Variants in C6orf163 observed in about 807,000 individuals in gnomAD.
C6orf163 encodes the protein uncharacterized protein C6orf163.
In C6orf163, 22 loss-of-function variants were observed where a neutral mutation model predicts 28.4. The ratio of observed to expected loss-of-function variants is 0.78; its 90% CI spans 0.55 to 1.11. C6orf163 has a LOEUF of 1.11. C6orf163 is among the 50% of genes least tolerant of loss of function. C6orf163 has a pLI of 0.00. For synonymous variants in C6orf163, 110 were observed against 123.6 expected (o/e 0.89, Z 0.73); for missense variants, 342 against 389.1 (o/e 0.88, Z 1.02).
chr6:87,351,495 G>T (rs1472609581), intron 3 of C6orf163, among the ~76,000 whole-genome samples: 1 of 152,244 alleles, frequency 6.6e-6, no homozygotes, highest in Non-Finnish European at 1.5e-5. Flanking sequence ...AGTCCTGAAG[G>T]CTAGTGGGAT....
At chr6:87,346,090 G>A (rs1056705607) in intron 1 of C6orf163, among the ~76,000 whole-genome samples, 1 of 151,978 alleles carries the variant, frequency 6.6e-6, no homozygotes, top group African/African-American at 2.4e-5. Flanking sequence ...TGTACTATAG[G>A]TTTCCATCTC....
At chr6:87,350,908 A>G (rs1253465398) in intron 3 of C6orf163, among the ~76,000 whole-genome samples, 1 of 152,248 alleles carries the variant, frequency 6.6e-6, no homozygotes, top group Non-Finnish European at 1.5e-5. Flanking sequence ...CCTGGTGCCC[A>G]GCACAATTCC....
Position 87,345,085 on chromosome 6 carries a change from A to G in C6orf163, c.-15A>G. ...ATTTTAACTGTAAGTAGGAGAAGACATCTGAAATTTAACTATGATCAGAAA... is the reference window on the plus strand; with the variant it reads ...ATTTTAACTGTAAGTAGGAGAAGACGTCTGAAATTTAACTATGATCAGAAA... On this transcript the variant is annotated 5_prime_UTR_variant, in exon 1 of 5. Transcript: ENST00000388923. 1 of 1,514,426 alleles carries G rather than the reference A, an allele frequency of 6.6e-7. No homozygotes were observed. Among genetic ancestry groups the G allele is most frequent in the Non-Finnish European group, 8.8e-7 (1 of 1,137,184 alleles). 93.8% of individuals were successfully genotyped at this position (1,514,426 alleles called of 1,614,324 possible).
chr6:87,346,827 T>C (rs1430597495), intron 1 of C6orf163, among the ~76,000 whole-genome samples: 4 of 152,244 alleles, frequency 2.6e-5, no homozygotes, highest in African/African-American at 9.6e-5. Flanking sequence ...AATAACCTTT[T>C]TTATTTCAAG....
chr6:87,364,054 C>T (rs983916333), intron 4 of C6orf163, among the ~76,000 whole-genome samples: 4 of 152,026 alleles, frequency 2.6e-5, no homozygotes, highest in Non-Finnish European at 4.4e-5. Flanking sequence ...GAGGCCAGGG[C>T]GGGTGGATCA....
intron 4 of C6orf163, among the ~76,000 whole-genome samples, chr6:87,362,066 A>T (rs796857423): frequency 1.2e-4 from 19 of 152,352 alleles, no homozygotes; most frequent in African/African-American, 4.6e-4. Flanking sequence ...AGCTTGAAGC[A>T]GGTAATGATT....
At chr6:87,352,271 G>T (rs242269) in intron 3 of C6orf163, among the ~76,000 whole-genome samples, 81,940 of 151,964 alleles carry the variant, frequency 0.54, 22,566 homozygotes, top group Non-Finnish European at 0.6. Context: ...AGGGCTTGTC[G>T]GTGAACCACT....
intron 4 of C6orf163, among the ~76,000 whole-genome samples, chr6:87,363,086 C>G (rs981263201): frequency 6.6e-6 from 1 of 152,170 alleles, no homozygotes; most frequent in Admixed American, 6.5e-5. Context: ...GTAATGGAAC[C>G]ACACTACAGA....
At chr6:87,353,616 T>C (rs1222680718) in intron 3 of C6orf163, among the ~76,000 whole-genome samples, 2 of 152,202 alleles carry the variant, frequency 1.3e-5, no homozygotes, top group East Asian at 3.8e-4. Flanking sequence ...GAATATATTA[T>C]GGTAGTACTT....
intron 4 of C6orf163, among the ~76,000 whole-genome samples, chr6:87,363,498 C>T (rs943778250): frequency 2.0e-5 from 3 of 151,594 alleles, no homozygotes; most frequent in Admixed American, 6.6e-5. Context: ...CCTCCCCGCT[C>T]CCCCCACCCC....
At position 87,344,815 on chromosome 6, in the gene C6orf163, G is replaced by C. The variant is rs1282294690; in HGVS notation, c.-285G>C. 8 of 230,782 alleles carry C rather than the reference G, an allele frequency of 3.5e-5. No individual in the cohort carries two copies. The highest frequency in any genetic ancestry group is 5.8e-5 in the Non-Finnish European group (7 of 119,992). 14.3% of individuals were successfully genotyped at this position (230,782 alleles called of 1,614,324 possible). A position where few individuals can be genotyped will look rare whatever the true frequency, so the allele number is the denominator to read the frequency against. On this transcript the variant is annotated 5_prime_UTR_variant, in exon 1 of 5. Transcript: ENST00000388923. ...TTACCTAGCAACAGTTGCCAAGTAA[G>C]TTAACAACTTAATGCTAGAGTCTGG... is the stretch of plus-strand genomic sequence containing the variant.
chr6:87,352,281 T>G (rs1030048288), intron 3 of C6orf163, among the ~76,000 whole-genome samples: 2 of 152,228 alleles, frequency 1.3e-5, no homozygotes, highest in African/African-American at 2.4e-5. Flanking sequence ...GGTGAACCAC[T>G]TGCATCAGAA....
Position 87,356,433 on chromosome 6 carries a change from G to A in C6orf163, c.484G>A (p.Val162Ile). ...TATGATGGAATGCCACAGAGAGAAG[G>A]TCGAAGCTGTGGAGAAAGCCAGGGC... ...RIMMECHREK[V>I]EAVEKARAEE... is the part of the protein sequence containing the mutation. The change falls in exon 4 of 5, where the codon GTC becomes ATC. Residue 162 changes from valine to isoleucine, a missense_variant. Coordinates refer to ENST00000388923, the MANE Select transcript of C6orf163 (RefSeq NM_001010868.3). 6.4e-7 allele frequency: 1 copy of A among 1,551,756 alleles called. No homozygotes were observed. The highest frequency in any genetic ancestry group is 8.7e-7 in the Non-Finnish European group (1 of 1,147,004).
intron 4 of C6orf163, among the ~76,000 whole-genome samples, chr6:87,360,184 A>G (rs1255672933): frequency 6.6e-6 from 1 of 152,172 alleles, no homozygotes; most frequent in African/African-American, 2.4e-5. Context: ...CCAAGATTTA[A>G]TTTGAAGAAG....
At chr6:87,347,426 T>C in intron 1 of C6orf163, 1 of 985,316 alleles carries the variant, frequency 1.0e-6, no homozygotes, top group Middle Eastern at 5.2e-4. Flanking sequence ...CCTACACTTG[T>C]ATCACATTTT....
intron 4 of C6orf163, among the ~76,000 whole-genome samples, chr6:87,360,217 T>C (rs1441701796): frequency 2.6e-5 from 4 of 152,154 alleles, no homozygotes; most frequent in African/African-American, 9.7e-5. Context: ...CAAAAAGTAC[T>C]AATACCTAGT....
intron 4 of C6orf163, 94 bp downstream of exon 4, chr6:87,356,597 C>A: frequency 8.7e-7 from 1 of 1,144,154 alleles, no homozygotes; most frequent in Non-Finnish European, 1.2e-6. Flanking sequence ...GTAGATATTG[C>A]CCAGTTTTTG....
intron 4 of C6orf163, among the ~76,000 whole-genome samples, chr6:87,360,818 T>C (rs1400790825): frequency 6.6e-6 from 1 of 152,210 alleles, no homozygotes; most frequent in Non-Finnish European, 1.5e-5. Context: ...TATTCATTCA[T>C]ACATTTATTG....
intron 4 of C6orf163, chr6:87,358,648 T>C (rs1271913094): frequency 1.3e-5 from 2 of 152,188 alleles, no homozygotes; most frequent in Non-Finnish European, 2.9e-5. Flanking sequence ...AATTGTTTTC[T>C]AGCCCAAGGC....
Sources: gnomAD v4.1 joint callset for allele counts (sites outside exome capture counted in the v4.1 genomes callset) on GRCh38, gnomAD v4.1.1 for gene constraint, MANE v1.5 for transcripts, NCBI Gene and HGNC (gene_info 2026-07-23, HGNC 2026-07-21) for gene names.